Variants in TMEM229B observed in about 807,000 individuals in gnomAD.
The protein encoded by TMEM229B is chromosome 14 open reading frame 83.
In TMEM229B, 6 loss-of-function variants were observed where a neutral mutation model predicts 13.7. The ratio of observed to expected loss-of-function variants is 0.44; its 90% CI spans 0.24 to 0.86. The LOEUF (loss-of-function observed/expected upper bound fraction) is 0.86. TMEM229B is among the 40% of genes least tolerant of loss of function. The probability of loss-of-function intolerance (pLI) is 0.23; values close to 1 mark genes in which losing one functional copy is unlikely to be tolerated. For synonymous variants in TMEM229B, 107 were observed against 102.1 expected (o/e 1.05, Z -0.29); for missense variants, 170 against 236.0 (o/e 0.72, Z 1.83).
intron 1 of TMEM229B, among the ~76,000 whole-genome samples, chr14:67,497,814 C>T (rs779193360): frequency 8.6e-5 from 13 of 151,926 alleles, no homozygotes; most frequent in Non-Finnish European, 1.9e-4. Context: ...CCACACAGTA[C>T]ACCTGTATCT....
In TMEM229B at chr14:67,472,577, A is replaced by G. The variant is rs138405831; in HGVS notation, c.*843T>C. The G allele has an allele frequency of 6.3e-3, 951 of 151,468 alleles. 5 individuals are homozygous for G. The highest frequency in any genetic ancestry group is 0.01 in the Admixed American group (157 of 15,164). The allele number at this position is 151,468 out of a possible 1,614,324, so 9.4% of individuals were successfully genotyped here. ...CCCCAGGCATCAGGCCAGCCGGAAC[A>G]GTGGAGGGAAGGGCTGCAAGGGGGT... On this transcript the variant is annotated 3_prime_UTR_variant, in exon 3 of 3. Transcript: ENST00000554480.
intron 2 of TMEM229B, among the ~76,000 whole-genome samples, chr14:67,479,515 C>T (rs576872062): frequency 2.6e-5 from 4 of 151,250 alleles, no homozygotes; most frequent in East Asian, 3.9e-4. Context: ...GTCAGGAGTT[C>T]GAGACCAGCC....
At chr14:67,519,729 T>TA (rs60644361), upstream of TMEM229B, among the ~76,000 whole-genome samples, 8 of 145,300 alleles carry the variant, frequency 5.5e-5, no homozygotes, top group Admixed American at 2.1e-4. Context: ...TTTTTTTTTT[T>TA]ACTTTTTTTT....
At chr14:67,531,438 A>G (rs1368159818) in intron 1 of TMEM229B, among the ~76,000 whole-genome samples, 1 of 152,102 alleles carries the variant, frequency 6.6e-6, no homozygotes, top group Admixed American at 6.5e-5. Flanking sequence ...GGTCCTGCTC[A>G]GAGTTGGGCA....
upstream of TMEM229B, among the ~76,000 whole-genome samples, chr14:67,519,631 AC>A (rs2033259875): frequency 6.6e-6 from 1 of 151,582 alleles, no homozygotes; most frequent in Non-Finnish European, 1.5e-5. Context: ...GCTGCCAAGT[AC>A]CCCCCAAACA....
At chr14:67,477,144 C>A (rs2031259099) in intron 2 of TMEM229B, among the ~76,000 whole-genome samples, 1 of 143,736 alleles carries the variant, frequency 7.0e-6, no homozygotes. Context: ...CCAGCCTGGA[C>A]AACAAGAGCG....
At chr14:67,532,926 C>T (rs1276097033) in intron 1 of TMEM229B, among the ~76,000 whole-genome samples, 4 of 152,002 alleles carry the variant, frequency 2.6e-5, no homozygotes, top group African/African-American at 9.7e-5. Flanking sequence ...CCCCGGGGCG[C>T]TCTGGCCACC....
Position 67,499,117 on chromosome 14 carries a change from C to T in TMEM229B, c.-191-11945G>A, listed in dbSNP as rs192557433. On this transcript the variant is annotated intron_variant, in intron 1 of 2. Transcript: ENST00000357461. The stretch of plus-strand genomic sequence containing the variant: ...TCCTGGGTTCAAGCAATCTTCCTGC[C>T]TTAGCCTCCTAAGTAGCTAGGACTA... Among the ~76,000 whole-genome samples the T allele has an allele frequency of 1.8e-4, 27 of 152,176 alleles. No homozygotes were observed. The East Asian group carries it at 5.0e-3, about 28-fold the overall frequency.
intron 1 of TMEM229B, among the ~76,000 whole-genome samples, chr14:67,502,492 G>A (rs1205477964): frequency 1.9e-4 from 24 of 125,386 alleles, no homozygotes; most frequent in African/African-American, 7.0e-4. Context: ...TTGCTTTGTT[G>A]TCCAGGCTAG....
intron 1 of TMEM229B, among the ~76,000 whole-genome samples, chr14:67,497,200 G>A (rs1167688708): frequency 6.6e-6 from 1 of 152,268 alleles, no homozygotes; most frequent in African/African-American, 2.4e-5. Context: ...GGGCACACAC[G>A]AATGCCCTGG....
At chr14:67,485,981 C>T (rs1314235357) in intron 2 of TMEM229B, among the ~76,000 whole-genome samples, 1 of 152,250 alleles carries the variant, frequency 6.6e-6, no homozygotes, top group East Asian at 1.9e-4. Context: ...ACCAGCAGCA[C>T]ATGCATTGCT....
chr14:67,484,597 AT>A (rs1230557490), intron 2 of TMEM229B, among the ~76,000 whole-genome samples: 2 of 152,104 alleles, frequency 1.3e-5, no homozygotes, highest in Non-Finnish European at 2.9e-5. Flanking sequence ...ATTCAATTTT[AT>A]TTTTTAAAAA....
At chr14:67,494,371 G>T (rs1159453700) in intron 1 of TMEM229B, among the ~76,000 whole-genome samples, 1 of 152,198 alleles carries the variant, frequency 6.6e-6, no homozygotes, top group Non-Finnish European at 1.5e-5. Context: ...ACCCAAAGAG[G>T]TTATGCAGCT....
intron 1 of TMEM229B, among the ~76,000 whole-genome samples, chr14:67,526,230 A>C (rs2033365503): frequency 6.6e-6 from 1 of 152,202 alleles, no homozygotes; most frequent in Admixed American, 6.5e-5. Context: ...CTCCTAATAC[A>C]ATTGGGAGTC....
chr14:67,492,741 C>T (rs1228195457), upstream of TMEM229B, among the ~76,000 whole-genome samples: 7 of 152,198 alleles, frequency 4.6e-5, no homozygotes, highest in Non-Finnish European at 1.0e-4. Flanking sequence ...GGAACTTAGT[C>T]CAAGAAGTCC....
rs145876991 is a variant in TMEM229B at position 67,476,414 on chromosome 14, C to G, written c.-18-2473G>C. 5.8e-3 allele frequency among the ~76,000 whole-genome samples: 885 copies of G among 152,126 alleles called. 9 individuals are homozygous for G. Among genetic ancestry groups the G allele is most frequent in the African/African-American group, 0.02 (831 of 41,492 alleles). Reference sequence around the variant, plus strand: ...ACAACCTGGCCGACATGGTGAAACCCTGTCTCTACTAAAAATACAAAAATT... The same window carrying G: ...ACAACCTGGCCGACATGGTGAAACCGTGTCTCTACTAAAAATACAAAAATT... On this transcript the variant is annotated intron_variant, in intron 2 of 2. Coordinates refer to ENST00000554480, the MANE Select transcript of TMEM229B (RefSeq NM_001348543.2).
chr14:67,475,970 G>T (rs531328174), intron 2 of TMEM229B, among the ~76,000 whole-genome samples: 1 of 152,350 alleles, frequency 6.6e-6, no homozygotes, highest in East Asian at 1.9e-4. Flanking sequence ...GGCCCGTCCT[G>T]GGCAGGCCCT....
chr14:67,529,327 G>A (rs969110505), intron 1 of TMEM229B, among the ~76,000 whole-genome samples: 39 of 152,142 alleles, frequency 2.6e-4, no homozygotes, highest in Admixed American at 2.0e-3. Flanking sequence ...TGTGTCCCCT[G>A]GGTGGAAGAG....
exon 1 of TMEM229B, chr14:67,515,328 G>A (rs1326520045): frequency 5.0e-5 from 8 of 159,276 alleles, no homozygotes; most frequent in Non-Finnish European, 1.1e-4. Flanking sequence ...GCCTAGTCCC[G>A]CATTGTGTGT....
Sources: gnomAD v4.1 joint callset for allele counts (sites outside exome capture counted in the v4.1 genomes callset) on GRCh38, gnomAD v4.1.1 for gene constraint, MANE v1.5 for transcripts, NCBI Gene and HGNC (gene_info 2026-07-23, HGNC 2026-07-21) for gene names.